Variants in IGF2BP1 observed in about 807,000 individuals in gnomAD.
IGF2BP1 encodes insulin-like growth factor 2 mRNA-binding protein 1.
IGF2BP1 carries 11 observed loss-of-function variants against 74.9 expected under a neutral mutation model. The observed-to-expected ratio is 0.15, with a 90% CI of 0.09 to 0.24. The LOEUF (loss-of-function observed/expected upper bound fraction) is 0.24. Ranked by LOEUF, IGF2BP1 falls within the 10% of genes least tolerant of loss-of-function variation. The probability of loss-of-function intolerance (pLI) is 1.00; values close to 1 mark genes in which losing one functional copy is unlikely to be tolerated. For synonymous variants in IGF2BP1, 287 were observed against 281.8 expected (o/e 1.02, Z -0.18); for missense variants, 440 against 757.4 (o/e 0.58, Z 4.92).
At chr17:49,039,088 G>C (rs1029131101) in intron 6 of IGF2BP1, among the ~76,000 whole-genome samples, 10 of 152,038 alleles carry the variant, frequency 6.6e-5, no homozygotes, top group African/African-American at 2.2e-4. Context: ...ATGTTGATCA[G>C]GCTGGTTACG....
intron 2 of IGF2BP1, among the ~76,000 whole-genome samples, chr17:49,023,397 CCA>C (rs2041815006): frequency 6.6e-6 from 1 of 152,166 alleles, no homozygotes. Flanking sequence ...TGAAGACTCT[CCA>C]CATTTAGAAT....
rs868238732 is a variant in IGF2BP1 at position 49,051,598 on chromosome 17, T to C, written c.*2154T>C. ...CCCTTGGTCTCCTCTCTTTCCTCCT[T>C]TGGTTAAAGAGCATCTCAGCCAGCT... is the stretch of plus-strand genomic sequence containing the variant. On this transcript the variant is annotated 3_prime_UTR_variant, in exon 15 of 15. Transcript: ENST00000290341. The C allele has an allele frequency of 3.9e-5, 6 of 152,284 alleles. No individual in the cohort carries two copies. The highest frequency in any genetic ancestry group is 3.4e-3 in the Middle Eastern group (1 of 294). The allele number at this position is 152,284 out of a possible 1,614,324, so 9.4% of individuals were successfully genotyped here. A position where few individuals can be genotyped will look rare whatever the true frequency, so the allele number is the denominator to read the frequency against.
rs757274629 is a variant in IGF2BP1 at position 49,031,928 on chromosome 17, C to T, written c.356C>T (p.Thr119Met). ...TCTGCAGTGAACACCGAGAGTGAGA[C>T]GGCAGTGGTGAATGTCACCTATTCC... is the stretch of plus-strand genomic sequence containing the variant. ...NCEQVNTESE[T>M]AVVNVTYSNR... The change falls in exon 5 of 15, where the codon ACG becomes ATG. Residue 119 changes from threonine (T) to methionine (M), a missense_variant. By Grantham distance (81) the Thr-to-Met change is moderately conservative. Around this residue, in one of 5 missense-constraint regions of IGF2BP1, gnomAD observed 105 missense variants for 199.4 expected, o/e 0.53. Transcript: ENST00000290341. The T allele has an allele frequency of 1.0e-5, 16 of 1,606,914 alleles. No individual in the cohort carries two copies. Among genetic ancestry groups the T allele is most frequent in the South Asian group, 9.9e-5 (9 of 90,960 alleles).
chr17:49,024,333 G>A (rs889234068), intron 2 of IGF2BP1, among the ~76,000 whole-genome samples: 2 of 151,984 alleles, frequency 1.3e-5, no homozygotes, highest in African/African-American at 4.8e-5. Flanking sequence ...AGGATCACTC[G>A]ATCGCAGCAG....
chr17:49,011,415 C>T (rs73988939), intron 2 of IGF2BP1, among the ~76,000 whole-genome samples: 2,458 of 152,210 alleles, frequency 0.016, 67 homozygotes, highest in African/African-American at 0.056. Context: ...CTGCTCAGCT[C>T]ACACTGTTAC....
intron 9 of IGF2BP1, among the ~76,000 whole-genome samples, chr17:49,042,686 T>G (rs1390770382): frequency 6.6e-6 from 1 of 152,190 alleles, no homozygotes; most frequent in Non-Finnish European, 1.5e-5. Flanking sequence ...ATTTTTATTT[T>G]ATTTTTTTGA....
intron 2 of IGF2BP1, among the ~76,000 whole-genome samples, chr17:49,007,138 G>C (rs1377140602): frequency 6.6e-6 from 1 of 152,152 alleles, no homozygotes; most frequent in Non-Finnish European, 1.5e-5. Context: ...GGGGTCTGAG[G>C]AAGGAAGAAA....
At chr17:49,041,261 A>C in intron 7 of IGF2BP1, 117 bp from the exon 8 acceptor site, 1 of 1,056,742 alleles carries the variant, frequency 9.5e-7, no homozygotes, top group South Asian at 1.5e-5. Context: ...CAGTTTGATA[A>C]GTTTTGAGAT....
At chr17:48,998,052 C>T (rs1042530730) in intron 1 of IGF2BP1, 132 bp downstream of exon 1, 1 of 899,206 alleles carries the variant, frequency 1.1e-6, no homozygotes, top group Non-Finnish European at 1.7e-6. Flanking sequence ...TACCCACCCT[C>T]GACCTACCCC....
chr17:49,027,847 G>A (rs1394872125), intron 4 of IGF2BP1, among the ~76,000 whole-genome samples: 2 of 82,086 alleles, frequency 2.4e-5, no homozygotes, highest in African/African-American at 1.1e-4. Flanking sequence ...GCGAGACTCT[G>A]TCTCAGAAAA....
chr17:49,042,192 C>T (rs887371447), intron 8 of IGF2BP1, 50 bp from the exon 9 acceptor site: 2 of 1,612,462 alleles, frequency 1.2e-6, no homozygotes, highest in Non-Finnish European at 1.7e-6. Context: ...ACTGCCGGGG[C>T]CTGGTCCTGG....
At chr17:49,020,244 A>T (rs962883366) in intron 2 of IGF2BP1, among the ~76,000 whole-genome samples, 2 of 151,916 alleles carry the variant, frequency 1.3e-5, no homozygotes, top group African/African-American at 4.8e-5. Context: ...AGGTTTCACC[A>T]TGTTGGCCAG....
At chr17:48,997,249 T>C (rs541497848), upstream of IGF2BP1, among the ~76,000 whole-genome samples, 94 of 151,552 alleles carry the variant, frequency 6.2e-4, 1 homozygote, top group Middle Eastern at 3.4e-3. The surrounding 1 kb of genome is among the most constrained non-coding windows in gnomAD (Gnocchi z 4.8). Context: ...GTGAGTTGAG[T>C]TCCCCACCCT....
Position 49,042,235 on chromosome 17 carries a change from C to T in IGF2BP1, c.942-7C>T. ...GTGAAAGGACACAACTCTGCTCTTTCTGCCAGGTTGCAAGACCTTACCCTT... is the reference window on the plus strand; with the variant it reads ...GTGAAAGGACACAACTCTGCTCTTTTTGCCAGGTTGCAAGACCTTACCCTT... On this transcript the variant is annotated splice_region_variant and splice_polypyrimidine_tract_variant and intron_variant, in intron 8 of 14. Coordinates refer to ENST00000290341, the MANE Select transcript of IGF2BP1 (RefSeq NM_006546.4). 3 of 1,614,188 alleles carry T rather than the reference C, an allele frequency of 1.9e-6. No individual in the cohort carries two copies. The highest frequency in any genetic ancestry group is 2.5e-6 in the Non-Finnish European group (3 of 1,180,010).
chr17:49,012,131 C>G (rs2041627055), intron 2 of IGF2BP1, among the ~76,000 whole-genome samples: 1 of 152,112 alleles, frequency 6.6e-6, no homozygotes, highest in South Asian at 2.1e-4. Flanking sequence ...TCTCGAACTC[C>G]TGACCTCAGG....
At chr17:48,999,364 AAAT>A (rs1036511912) in intron 2 of IGF2BP1, among the ~76,000 whole-genome samples, 195 bp downstream of exon 2, 5 of 150,986 alleles carry the variant, frequency 3.3e-5, no homozygotes, top group Non-Finnish European at 5.9e-5. Context: ...TGTAAAAAAA[AAAT>A]AAATAAGTTG....
intron 2 of IGF2BP1, among the ~76,000 whole-genome samples, chr17:49,015,576 C>A (rs1319640752): frequency 6.6e-6 from 1 of 152,172 alleles, no homozygotes; most frequent in Non-Finnish European, 1.5e-5. Flanking sequence ...TCTATTTGTC[C>A]CCGTACTGTA....
intron 6 of IGF2BP1, among the ~76,000 whole-genome samples, chr17:49,038,767 T>C (rs755650749): frequency 6.6e-6 from 1 of 152,136 alleles, no homozygotes; most frequent in Non-Finnish European, 1.5e-5. Context: ...TGCTCTGTGA[T>C]TTCATGATCA....
intron 2 of IGF2BP1, among the ~76,000 whole-genome samples, chr17:49,001,457 G>A (rs947021922): frequency 2.6e-5 from 4 of 152,008 alleles, no homozygotes; most frequent in Non-Finnish European, 5.9e-5. Flanking sequence ...AATGTTCCTG[G>A]TTGTTTTGTT....
Sources: gnomAD v4.1 joint callset for allele counts (sites outside exome capture counted in the v4.1 genomes callset) on GRCh38, gnomAD v4.1.1 for gene constraint, gnomAD v4.1.1 regional missense constraint, Gnocchi (gnomAD v3.1) non-coding constraint, MANE v1.5 for transcripts, NCBI Gene and HGNC (gene_info 2026-07-23, HGNC 2026-07-21) for gene names.